NCAPD3: variants seen among roughly 807,000 people sequenced by gnomAD.
NCAPD3 encodes the protein condensin-2 complex subunit D3.
NCAPD3 carries 105 observed loss-of-function variants against 182.9 expected under a neutral mutation model. The observed-to-expected ratio is 0.57, with a 90% CI of 0.49 to 0.68. The LOEUF is 0.68. Among genes scored for constraint, NCAPD3 ranks in the 30% least tolerant of loss-of-function variants. NCAPD3 has a pLI of 0.00. For missense variants in NCAPD3, 1,944 were observed against 1,837.0 expected (o/e 1.06, Z -1.07); for synonymous variants, 815 against 679.9 (o/e 1.20, Z -3.09).
chr11:134,194,135 A>G lies in NCAPD3; in HGVS notation c.1705T>C (p.Leu569=), dbSNP rs780092128. 14 of 1,614,044 alleles carry G rather than the reference A, an allele frequency of 8.7e-6. No homozygotes were observed. Among genetic ancestry groups the G allele is most frequent in the African/African-American group, 1.3e-5 (1 of 74,944 alleles). Residue 569 remains leucine, a synonymous_variant, in exon 15 of 35, where the codon TTG becomes CTG. Transcript: ENST00000534548. ...ATGCCTGAGACATCACAGTGTTTCA[A>G]AATACTCACTAATACCTAGAAGGCA... ...KSALQVLVSI[L]KHCDVSGMKE... is the part of the protein sequence containing the mutation.
chr11:134,168,394 G>T, intron 26 of NCAPD3, 75 bp downstream of exon 26: 4 of 1,590,288 alleles, frequency 2.5e-6, no homozygotes, highest in Non-Finnish European at 3.4e-6. Flanking sequence ...CCTTACTAGA[G>T]GCCTGCTGGG....
chr11:134,152,889 C>A lies in NCAPD3; in HGVS notation c.*55G>T, dbSNP rs374346243. ...TCCAGCTGCCTTCACACGGAGGACA[C>A]GAGACTGCTTCCTCAAGGGCTCCTG... On this transcript the variant is annotated 3_prime_UTR_variant, in exon 35 of 35. Coordinates refer to ENST00000534548, the MANE Select transcript of NCAPD3 (RefSeq NM_015261.3). 1.4e-6 allele frequency: 2 copies of A among 1,388,748 alleles called. No individual in the cohort carries two copies. Among genetic ancestry groups the A allele is most frequent in the African/African-American group, 2.9e-5 (2 of 68,894 alleles). 86.0% of individuals were successfully genotyped at this position (1,388,748 alleles called of 1,614,324 possible).
At chr11:134,208,786 C>T in intron 7 of NCAPD3, 78 bp downstream of exon 7, 2 of 931,188 alleles carry the variant, frequency 2.1e-6, no homozygotes, top group East Asian at 4.9e-5. Flanking sequence ...ATATCAAATG[C>T]TTTTAACATA....
intron 28 of NCAPD3, among the ~76,000 whole-genome samples, chr11:134,161,134 T>C (rs956329697): frequency 1.3e-5 from 2 of 152,202 alleles, no homozygotes; most frequent in African/African-American, 4.8e-5. Flanking sequence ...TTGTAGCATT[T>C]TTTTGAGGAA....
chr11:134,172,015 G>T (rs1944017473), intron 24 of NCAPD3, among the ~76,000 whole-genome samples: 1 of 152,144 alleles, frequency 6.6e-6, no homozygotes, highest in African/African-American at 2.4e-5. Context: ...ATGCCCCTCA[G>T]GAAACCTACA....
intron 27 of NCAPD3, among the ~76,000 whole-genome samples, chr11:134,162,875 G>C (rs1943627646): frequency 6.6e-6 from 1 of 152,216 alleles, no homozygotes; most frequent in Admixed American, 6.5e-5. Context: ...GAGGTGTTAA[G>C]TGGCAGGGTG....
chr11:134,188,493 C>T (rs1944458455), intron 16 of NCAPD3, among the ~76,000 whole-genome samples: 1 of 151,330 alleles, frequency 6.6e-6, no homozygotes, highest in African/African-American at 2.5e-5. Flanking sequence ...TACTGCTGCT[C>T]ACTCTTTGGG....
At chr11:134,180,810 G>A (rs1215711995) in intron 20 of NCAPD3, among the ~76,000 whole-genome samples, 1 of 152,050 alleles carries the variant, frequency 6.6e-6, no homozygotes, top group African/African-American at 2.4e-5. Context: ...AACACATACT[G>A]TGTTTTCCCT....
chr11:134,151,224 C>A lies in NCAPD3; in HGVS notation c.*1720G>T, dbSNP rs562840079. The A allele has an allele frequency of 4.6e-5, 7 of 152,266 alleles. No individual in the cohort carries two copies. In the East Asian group the frequency reaches 1.4e-3, roughly 29 times the overall value. The allele number at this position is 152,266 out of a possible 1,614,324, so 9.4% of individuals were successfully genotyped here. A position where few individuals can be genotyped will look rare whatever the true frequency, so the allele number is the denominator to read the frequency against. ...AATTGCATACATGAGACTGTGTTGA[C>A]TTTTTTTAGTTATGTGAAACACTTT... On this transcript the variant is annotated 3_prime_UTR_variant, in exon 35 of 35. Coordinates refer to ENST00000534548, the MANE Select transcript of NCAPD3 (RefSeq NM_015261.3).
intron 27 of NCAPD3, among the ~76,000 whole-genome samples, chr11:134,167,173 G>A (rs1323875646): frequency 7.4e-6 from 1 of 136,028 alleles, no homozygotes; most frequent in African/African-American, 2.9e-5. Context: ...TGAGCTTGGG[G>A]GAGGCGCACA....
rs149297767 is a variant in NCAPD3, at chr11:134,157,067, C to T, written c.4203G>A (p.Ser1401=). The change falls in exon 32 of 35, where the codon TCG becomes TCA. Residue 1401 remains serine, a synonymous_variant. Transcript: ENST00000534548. ...TGGTCACGTGCTCAATCTCGCCATT[C>T]GACTCTTGCTCCAAACTGTATGAAG... ...QVSSYSLEQE[S]NGEIEHVTKR... 17 of 1,613,448 alleles carry T rather than the reference C, an allele frequency of 1.1e-5. No homozygotes were observed. The highest frequency in any genetic ancestry group is 1.6e-4 in the Middle Eastern group (1 of 6,082).
At chr11:134,178,592 C>A in intron 22 of NCAPD3, 42 bp downstream of exon 22, 1 of 1,437,314 alleles carries the variant, frequency 7.0e-7, no homozygotes, top group Non-Finnish European at 9.4e-7. Flanking sequence ...AACAGCTACA[C>A]ACAGAACGAT....
intron 24 of NCAPD3, among the ~76,000 whole-genome samples, chr11:134,170,760 G>T (rs1180411754): frequency 6.6e-6 from 1 of 152,230 alleles, no homozygotes; most frequent in Non-Finnish European, 1.5e-5. Context: ...AAATTCCATA[G>T]CAACATAAAA....
chr11:134,173,379 G>A (rs1944066430), intron 24 of NCAPD3: 1 of 153,920 alleles, frequency 6.5e-6, no homozygotes, highest in South Asian at 1.8e-4. Flanking sequence ...GGCTGATGGG[G>A]AGCAGACCTG....
At chr11:134,209,103 CACTATACTTAAATT>C in intron 6 of NCAPD3, 28 bp downstream of exon 6, 1 of 1,588,636 alleles carries the variant, frequency 6.3e-7, no homozygotes, top group Non-Finnish European at 8.6e-7. Context: ...AAAATTGGTA[CACTATACTTAAATT>C]GTAGCACTGG....
intron 32 of NCAPD3, among the ~76,000 whole-genome samples, chr11:134,155,024 T>G (rs1270577943): frequency 1.3e-5 from 2 of 152,092 alleles, no homozygotes; most frequent in African/African-American, 4.8e-5. Context: ...GAAATTAGTC[T>G]CCCATCTTTA....
At chr11:134,212,128 T>C (rs956716627) in intron 3 of NCAPD3, among the ~76,000 whole-genome samples, 22 of 152,170 alleles carry the variant, frequency 1.4e-4, no homozygotes, top group African/African-American at 3.6e-4. Context: ...AATAAAGATA[T>C]TTCACACAAT....
intron 24 of NCAPD3, among the ~76,000 whole-genome samples, chr11:134,170,836 G>A (rs567978663): frequency 1.3e-5 from 2 of 152,298 alleles, no homozygotes; most frequent in East Asian, 3.9e-4. Context: ...AAGAGAAACT[G>A]GAAGCCACAG....
At chr11:134,180,762 T>C (rs984551214) in intron 20 of NCAPD3, among the ~76,000 whole-genome samples, 2 of 152,216 alleles carry the variant, frequency 1.3e-5, no homozygotes, top group African/African-American at 4.8e-5. Flanking sequence ...TTATTATTTC[T>C]TACCTTACAT....
Sources: allele counts gnomAD v4.1 joint callset (sites outside exome capture counted in the v4.1 genomes callset), GRCh38; gene constraint gnomAD v4.1.1; transcripts MANE v1.5; gene names NCBI Gene and HGNC (gene_info 2026-07-23, HGNC 2026-07-21).